The following EDNRB variants were observed in gnomAD, a reference collection of about 807,000 sequenced individuals.
The protein encoded by EDNRB is endothelin receptor type B.
Under a neutral mutation model 46.4 loss-of-function variants are expected in EDNRB, and 18 were observed. The observed-to-expected ratio is 0.39, with a 90% confidence interval of 0.27 to 0.57. EDNRB has a LOEUF of 0.57. Among genes scored for constraint, EDNRB ranks in the 20% least tolerant of loss-of-function variants. The pLI is 0.61. For missense variants in EDNRB, 434 were observed against 537.5 expected (o/e 0.81, Z 1.90); for synonymous variants, 213 against 204.9 (o/e 1.04, Z -0.34).
intron 1 of EDNRB, among the ~76,000 whole-genome samples, chr13:77,957,849 G>A (rs970015117): frequency 6.6e-6 from 1 of 152,092 alleles, no homozygotes; most frequent in African/African-American, 2.4e-5. Context: ...TAGTGATTAG[G>A]AATATCTATT....
intron 1 of EDNRB, chr13:77,940,109 C>T (rs1340108827): frequency 6.6e-6 from 1 of 152,050 alleles, no homozygotes; most frequent in Non-Finnish European, 1.5e-5. Flanking sequence ...TACAGTTATT[C>T]ATTTGTTAAG....
In EDNRB at chr13:77,918,344, G is replaced by T; in HGVS notation, c.230C>A (p.Thr77Lys). 1 of 1,613,840 alleles carries T rather than the reference G, an allele frequency of 6.2e-7. No individual in the cohort carries two copies. Among genetic ancestry groups the T allele is most frequent in the Non-Finnish European group, 8.5e-7 (1 of 1,179,854 alleles). Residue 77 changes from threonine (T) to lysine (K), a missense_variant, in exon 1 of 7, where the codon ACG becomes AAG. Transcript: ENST00000646607. The surrounding 1 kb of genome is among the most constrained non-coding windows in gnomAD (Gnocchi z 4.5). Reference protein sequence around the residue: ...APAEVPKGDRTAGSPPRTISP... With the variant: ...APAEVPKGDRKAGSPPRTISP... The stretch of plus-strand genomic sequence containing the variant: ...GATGGTGCGTGGCGGAGATCCTGCC[G>T]TCCTGTCTCCTTTAGGCACCTCCGC...
rs1261885036 is a variant in EDNRB at position 77,918,183 on chromosome 13, A to G, written c.391T>C (p.Cys131Arg). The G allele has an allele frequency of 6.2e-7, 1 of 1,614,130 alleles. No individual in the cohort carries two copies. The highest frequency in any genetic ancestry group is 1.1e-5 in the South Asian group (1 of 91,074). Residue 131 changes from cysteine (C) to arginine (R), a missense_variant, in exon 1 of 7, where the codon TGC (cysteine) becomes CGC (arginine). By Grantham distance (180) the Cys-to-Arg change is radical. Coordinates refer to ENST00000646607, the MANE Select transcript of EDNRB (RefSeq NM_001122659.3). The surrounding 1 kb of genome is among the most constrained non-coding windows in gnomAD (Gnocchi z 4.5). The stretch of plus-strand genomic sequence containing the variant: ...AAGATATTGGGACCGTTTCGCATGC[A>G]CTTGTTCTTGTAGATAATTCTCAGA... ...TLLRIIYKNKCMRNGPNILIA... is the reference protein window; with the variant it reads ...TLLRIIYKNKRMRNGPNILIA...
intron 1 of EDNRB, chr13:77,947,369 C>T (rs1319375366): frequency 6.6e-6 from 1 of 151,960 alleles, no homozygotes; most frequent in East Asian, 1.9e-4. Context: ...CTCCCAACCC[C>T]AGGTGATCCA....
intron 1 of EDNRB, among the ~76,000 whole-genome samples, chr13:77,957,712 G>A (rs1881281297): frequency 6.6e-6 from 1 of 152,144 alleles, no homozygotes; most frequent in South Asian, 2.1e-4. Context: ...TGAACTGCCT[G>A]CACGTACACT....
chr13:77,955,588 T>G (rs1881211911), intron 1 of EDNRB, among the ~76,000 whole-genome samples: 1 of 152,302 alleles, frequency 6.6e-6, no homozygotes, highest in African/African-American at 2.4e-5. Context: ...TATGTTTTCT[T>G]CTAAGAGTTT....
chr13:77,936,385 T>G (rs990420354), intron 1 of EDNRB, among the ~76,000 whole-genome samples: 51 of 152,010 alleles, frequency 3.4e-4, no homozygotes, highest in Non-Finnish European at 3.2e-4. Context: ...TTGGGGAGTT[T>G]TAAGAGGTTT....
upstream of EDNRB, among the ~76,000 whole-genome samples, chr13:77,920,704 A>G (rs1191422027): frequency 6.6e-6 from 1 of 152,204 alleles, no homozygotes; most frequent in Non-Finnish European, 1.5e-5. Flanking sequence ...TGTGAGTGCT[A>G]ATTCCAAATC....
At chr13:77,922,328 G>A (rs147555774), upstream of EDNRB, among the ~76,000 whole-genome samples, 534 of 152,210 alleles carry the variant, frequency 3.5e-3, 1 homozygote, top group Non-Finnish European at 5.5e-3. Flanking sequence ...AATGCAATTC[G>A]GAATTCATTT....
At position 77,925,111 on chromosome 13, in the gene EDNRB, A is replaced by G. The variant is rs184908738; in HGVS notation, c.-51-6487T>C. 3.3e-5 allele frequency among the ~76,000 whole-genome samples: 5 copies of G among 152,296 alleles called. No homozygotes were observed. The East Asian group carries it at 9.6e-4, about 29-fold the overall frequency. ...TTTAATTTCTGCTTCTATGAATTTG[A>G]CTACTTTAGAAATCTCATACAAATG... On this transcript the variant is annotated intron_variant, in intron 1 of 7. Coordinates refer to the EDNRB transcript ENST00000646948.
rs890915575 is a variant in EDNRB, at chr13:77,895,962, A to G, written c.*2238T>C. Reference sequence around the variant, plus strand: ...GTTAACAATAATTTTGTCTGTTGCTATATTAAAGTCCTTAATACTAGGAAA... The same window carrying G: ...GTTAACAATAATTTTGTCTGTTGCTGTATTAAAGTCCTTAATACTAGGAAA... On this transcript the variant is annotated 3_prime_UTR_variant, in exon 7 of 7. Coordinates refer to ENST00000646607, the MANE Select transcript of EDNRB (RefSeq NM_001122659.3). The G allele has an allele frequency of 1.3e-5, 2 of 152,506 alleles. No homozygotes were observed. Among genetic ancestry groups the G allele is most frequent in the African/African-American group, 4.8e-5 (2 of 41,448 alleles). The allele number at this position is 152,506 out of a possible 1,614,324, so 9.4% of individuals were successfully genotyped here.
intron 1 of EDNRB, chr13:77,947,426 G>C (rs771709669): frequency 2.6e-5 from 4 of 151,898 alleles, no homozygotes; most frequent in Non-Finnish European, 5.9e-5. Flanking sequence ...ATGAGCCACC[G>C]TGCCTGGCCT....
intron 1 of EDNRB, among the ~76,000 whole-genome samples, chr13:77,911,669 C>T (rs995752355): frequency 3.9e-5 from 6 of 152,064 alleles, no homozygotes; most frequent in African/African-American, 9.7e-5. Flanking sequence ...CTTCTCCTCT[C>T]TCTCTCCCTC....
Position 77,944,244 on chromosome 13 carries a change from G to T in EDNRB, c.-51-25620C>A, listed in dbSNP as rs12720145. On this transcript the variant is annotated intron_variant, in intron 1 of 7. Coordinates refer to the EDNRB transcript ENST00000646948. ...GCAATAATGCTCTATGGGGAATATT[G>T]CTCAAAGTGCATTAGAAGATTCTTG... Among the ~76,000 whole-genome samples, 771 of 152,198 alleles carry T rather than the reference G, an allele frequency of 5.1e-3. 11 individuals carry two copies. Among genetic ancestry groups the T allele is most frequent in the African/African-American group, 0.017 (724 of 41,534 alleles).
chr13:77,898,428 A>T (rs1300872856), intron 6 of EDNRB, 94 bp from the exon 7 acceptor site: 42 of 1,572,060 alleles, frequency 2.7e-5, no homozygotes, highest in Admixed American at 6.9e-5. Flanking sequence ...TTGTATGATT[A>T]GGAGTTCTTG....
chr13:77,902,379 A>AACTCCCTCAT (rs901145907), intron 3 of EDNRB, among the ~76,000 whole-genome samples: 2 of 151,828 alleles, frequency 1.3e-5, no homozygotes, highest in Admixed American at 1.3e-4. Flanking sequence ...TTTAAAGTTT[A>AACTCCCTCAT]ACTCCCTCAT....
At chr13:77,943,012 C>A (rs1425609940) in intron 1 of EDNRB, among the ~76,000 whole-genome samples, 1 of 152,070 alleles carries the variant, frequency 6.6e-6, no homozygotes, top group Non-Finnish European at 1.5e-5. Context: ...AAACGTTTAG[C>A]CTGCCATTTA....
chr13:77,929,631 A>G (rs1289415602), intron 1 of EDNRB, among the ~76,000 whole-genome samples: 1 of 152,170 alleles, frequency 6.6e-6, no homozygotes, highest in Non-Finnish European at 1.5e-5. Context: ...GCGGGTGACT[A>G]TTCCAACACT....
At chr13:77,926,678 C>T (rs1048641726) in intron 1 of EDNRB, among the ~76,000 whole-genome samples, 58 of 152,184 alleles carry the variant, frequency 3.8e-4, no homozygotes, top group Non-Finnish European at 3.7e-4. Context: ...ACTCTTCCAC[C>T]TCTGCGTGTT....
Sources: gnomAD v4.1 joint callset for allele counts (sites outside exome capture counted in the v4.1 genomes callset) on GRCh38, gnomAD v4.1.1 for gene constraint, Gnocchi (gnomAD v3.1) non-coding constraint, MANE v1.5 for transcripts, NCBI Gene and HGNC (gene_info 2026-07-23, HGNC 2026-07-21) for gene names.